FAM186A: variants seen among roughly 807,000 people sequenced by gnomAD.
FAM186A encodes family with sequence similarity 186 member A.
In FAM186A, 163 loss-of-function variants were observed where a neutral mutation model predicts 216.8. The observed-to-expected ratio is 0.75, with a 90% confidence interval of 0.66 to 0.86. The LOEUF (loss-of-function observed/expected upper bound fraction) is 0.86. Ranked by LOEUF, FAM186A falls within the 40% of genes least tolerant of loss-of-function variation. The pLI is 0.00. For synonymous variants in FAM186A, 805 were observed against 1,025.3 expected (o/e 0.79, Z 4.10); for missense variants, 2,184 against 2,746.2 (o/e 0.80, Z 4.58).
intron 1 of FAM186A, 130 bp from the exon 2 acceptor site, chr12:50,363,494 T>C (rs1160851205): frequency 9.8e-6 from 8 of 814,812 alleles, no homozygotes; most frequent in Admixed American, 3.0e-5. Context: ...TTCTAGCTTT[T>C]ATTGTGAGTC....
chr12:50,378,403 G>A (rs1406733810), intron 1 of FAM186A, among the ~76,000 whole-genome samples: 7 of 151,598 alleles, frequency 4.6e-5, no homozygotes, highest in East Asian at 1.9e-4. Flanking sequence ...AGTGGCAGGC[G>A]CCTGTAATCC....
At chr12:50,329,479 T>C (rs1182590351) in intron 7 of FAM186A, among the ~76,000 whole-genome samples, 1 of 152,220 alleles carries the variant, frequency 6.6e-6, no homozygotes, top group African/African-American at 2.4e-5. Flanking sequence ...TCATGATATA[T>C]GACTTTATAC....
At chr12:50,361,359 C>T (rs1340060213) in intron 2 of FAM186A, among the ~76,000 whole-genome samples, 1 of 151,808 alleles carries the variant, frequency 6.6e-6, no homozygotes, top group African/African-American at 2.4e-5. Context: ...CCGCCATGCC[C>T]AGCTAATTTT....
At chr12:50,344,480 G>A (rs908117204) in intron 4 of FAM186A, among the ~76,000 whole-genome samples, 1 of 152,166 alleles carries the variant, frequency 6.6e-6, no homozygotes, top group South Asian at 2.1e-4. Context: ...TATTCCATAT[G>A]TTGTATATAT....
rs544166475 is a variant in FAM186A, at chr12:50,396,330, G to C, written c.155C>G (p.Ser52Cys). Reference sequence around the variant, plus strand: ...ATGGAGCTGTGCGCGCTCAATCCTAGAGATGATATCCTTTACTGAGAATGG... The same window carrying C: ...ATGGAGCTGTGCGCGCTCAATCCTACAGATGATATCCTTTACTGAGAATGG... ...EIPFSVKDII[S>C]RIERAQLHRA... The change falls in exon 1 of 8, where the codon TCT becomes TGT. Residue 52 changes from serine (S) to cysteine (C), a missense_variant. By Grantham distance (112) the Ser-to-Cys change is moderately radical. Around this residue, in one of 7 missense-constraint regions of FAM186A, gnomAD observed 1,132 missense variants for 1,263.4 expected, o/e 0.90. Transcript: ENST00000327337. 1.3e-6 allele frequency: 2 copies of C among 1,551,436 alleles called. No individual in the cohort carries two copies. The highest frequency in any genetic ancestry group is 2.7e-5 in the African/African-American group (2 of 73,154).
chr12:50,388,095 C>T (rs1229863754), intron 1 of FAM186A, among the ~76,000 whole-genome samples: 2 of 152,100 alleles, frequency 1.3e-5, no homozygotes, highest in Non-Finnish European at 2.9e-5. Flanking sequence ...AAACCATTGG[C>T]CGTAGATAAG....
chr12:50,392,746 G>T (rs1417082604), intron 1 of FAM186A, among the ~76,000 whole-genome samples: 1 of 145,130 alleles, frequency 6.9e-6, no homozygotes, highest in African/African-American at 2.6e-5. Flanking sequence ...CTACAGTCGT[G>T]TGCCACCACA....
intron 1 of FAM186A, among the ~76,000 whole-genome samples, chr12:50,365,059 T>G (rs1943075062): frequency 9.6e-6 from 1 of 104,030 alleles, no homozygotes; most frequent in African/African-American, 3.4e-5. Context: ...AAAAAAAAAT[T>G]AACACCATGT....
At chr12:50,370,773 A>G (rs1334672396) in intron 1 of FAM186A, among the ~76,000 whole-genome samples, 1 of 152,110 alleles carries the variant, frequency 6.6e-6, no homozygotes, top group Non-Finnish European at 1.5e-5. Context: ...AGATAAATGG[A>G]TAAACAAAAT....
intron 1 of FAM186A, among the ~76,000 whole-genome samples, chr12:50,367,630 T>C (rs998731118): frequency 5.3e-5 from 8 of 152,028 alleles, no homozygotes; most frequent in African/African-American, 1.9e-4. Context: ...ACCCTACATA[T>C]GTAGAAAACT....
chr12:50,351,718 A>G lies in FAM186A; in HGVS notation c.5114T>C (p.Leu1705Pro). 1.3e-6 allele frequency: 2 copies of G among 1,551,558 alleles called. No homozygotes were observed. Among genetic ancestry groups the G allele is most frequent in the Middle Eastern group, 1.7e-4 (1 of 5,988 alleles). ...KAHTLGSPLT[L>P]KQVQWSHRPF... Reference sequence around the variant, plus strand: ...TCTATGGGACCACTGGACTTGCTTAAGGGTGAGGGGCGATCCCAAGGTATG... The same window carrying G: ...TCTATGGGACCACTGGACTTGCTTAGGGGTGAGGGGCGATCCCAAGGTATG... The change falls in exon 4 of 8, where the codon CTT becomes CCT. Residue 1705 changes from leucine to proline, a missense_variant. Around this residue, in one of 7 missense-constraint regions of FAM186A, gnomAD observed 721 missense variants for 816.4 expected, o/e 0.88. Transcript: ENST00000327337.
In FAM186A at chr12:50,355,406, G is replaced by T; in HGVS notation, c.1426C>A (p.Leu476Met). 2.6e-6 allele frequency: 4 copies of T among 1,551,280 alleles called. No homozygotes were observed. Among genetic ancestry groups the T allele is most frequent in the Non-Finnish European group, 3.5e-6 (4 of 1,146,988 alleles). ...TYVYETSGPNLSDNKSGQKVS... is the reference protein window; with the variant it reads ...TYVYETSGPNMSDNKSGQKVS... ...TTCTGTCCACTTTTATTATCACTCA[G>T]ATTTGGTCCAGAGGTCTCATATACA... The change falls in exon 4 of 8, where the codon CTG becomes ATG. Residue 476 changes from leucine to methionine, a missense_variant. Physicochemically the swap from Leu to Met is conservative, Grantham distance 15. Around this residue, in one of 7 missense-constraint regions of FAM186A, gnomAD observed 1,132 missense variants for 1,263.4 expected, o/e 0.90. Coordinates refer to ENST00000327337, the MANE Select transcript of FAM186A (RefSeq NM_001145475.3).
At chr12:50,389,712 T>C (rs1943340119) in intron 1 of FAM186A, among the ~76,000 whole-genome samples, 1 of 152,160 alleles carries the variant, frequency 6.6e-6, no homozygotes, top group Non-Finnish European at 1.5e-5. Context: ...ATGTGTTAAT[T>C]TGTTCAAGCA....
chr12:50,335,570 A>G (rs1267651092), intron 4 of FAM186A, among the ~76,000 whole-genome samples: 1 of 151,510 alleles, frequency 6.6e-6, no homozygotes, highest in African/African-American at 2.4e-5. Flanking sequence ...CTTGAACCCG[A>G]GCAACAGAGG....
Position 50,355,919 on chromosome 12 carries a change from T to A in FAM186A, c.913A>T (p.Ile305Leu), listed in dbSNP as rs1164558536. Residue 305 changes from isoleucine (I) to leucine (L), a missense_variant, in exon 4 of 8, where the codon ATA becomes TTA. Physicochemically the swap from Ile to Leu is conservative, Grantham distance 5. Transcript: ENST00000327337. Reference sequence around the variant, plus strand: ...TTTTCGTTACTGAGATCTCGTATTATCTTCAGAGAGAGCTCCTTTTCTGCT... The same window carrying A: ...TTTTCGTTACTGAGATCTCGTATTAACTTCAGAGAGAGCTCCTTTTCTGCT... ...SEAEKELSLK[I>L]IRDLSNENEM... 2 of 1,551,556 alleles carry A rather than the reference T, an allele frequency of 1.3e-6. No individual in the cohort carries two copies. Among genetic ancestry groups the A allele is most frequent in the Admixed American group, 2.0e-5 (1 of 50,994 alleles).
chr12:50,375,414 T>C (rs1204525530), intron 1 of FAM186A, among the ~76,000 whole-genome samples: 1 of 151,882 alleles, frequency 6.6e-6, no homozygotes, highest in Non-Finnish European at 1.5e-5. Flanking sequence ...CCAGACATGT[T>C]GGCACACACC....
Position 50,355,573 on chromosome 12 carries a change from A to G in FAM186A, c.1259T>C (p.Leu420Pro). The change falls in exon 4 of 8, where the codon CTA (leucine) becomes CCA (proline). Residue 420 changes from leucine (L) to proline (P), a missense_variant. By Grantham distance (98) the Leu-to-Pro change is moderately conservative. Transcript: ENST00000327337. ...QAERTPDLTE[L>P]RQQPVASEDI... Reference sequence around the variant, plus strand: ...TTCAGAAGCAACAGGTTGCTGTCGTAGTTCAGTTAAATCTGGAGTTCTTTC... The same window carrying G: ...TTCAGAAGCAACAGGTTGCTGTCGTGGTTCAGTTAAATCTGGAGTTCTTTC... The G allele has an allele frequency of 2.6e-6, 4 of 1,551,616 alleles. No homozygotes were observed. Among genetic ancestry groups the G allele is most frequent in the Non-Finnish European group, 3.5e-6 (4 of 1,146,978 alleles).
At chr12:50,376,245 C>A (rs193092321) in intron 1 of FAM186A, among the ~76,000 whole-genome samples, 5 of 152,298 alleles carry the variant, frequency 3.3e-5, no homozygotes, top group Non-Finnish European at 7.3e-5. Context: ...GGATGTGTTA[C>A]AGCTCTTTTA....
chr12:50,370,144 A>AAAAAAAAAAACAAAAC, intron 1 of FAM186A, among the ~76,000 whole-genome samples: 2 of 149,026 alleles, frequency 1.3e-5, no homozygotes, highest in African/African-American at 4.9e-5. Context: ...AAAAAAAAAA[A>AAAAAAAAAAACAAAAC]AAAGCAAAAC....
Sources: allele counts gnomAD v4.1 joint callset (sites outside exome capture counted in the v4.1 genomes callset), GRCh38; gene constraint gnomAD v4.1.1; regional missense constraint gnomAD v4.1.1; transcripts MANE v1.5; gene names NCBI Gene and HGNC (gene_info 2026-07-23, HGNC 2026-07-21).